GLIS1: variants seen among roughly 807,000 people sequenced by gnomAD.
The protein encoded by GLIS1 is zinc finger protein GLIS1.
A neutral mutation model predicts 63.8 loss-of-function variants in GLIS1; 24 were observed. That is an observed-to-expected ratio of 0.38 (90% CI 0.27 to 0.53). GLIS1 has a LOEUF of 0.53. GLIS1 is among the 20% of genes least tolerant of loss of function. The pLI is 0.85. For synonymous variants in GLIS1, 450 were observed against 482.5 expected (o/e 0.93, Z 0.88); for missense variants, 1,036 against 1,074.1 (o/e 0.96, Z 0.50).
At chr1:53,517,213 C>G (rs1008076782) in intron 7 of GLIS1, among the ~76,000 whole-genome samples, 1 of 152,038 alleles carries the variant, frequency 6.6e-6, no homozygotes, top group African/African-American at 2.4e-5. Context: ...AGGTGATGGT[C>G]TGGATACCCA....
intron 4 of GLIS1, among the ~76,000 whole-genome samples, chr1:53,549,911 G>A (rs1159048253): frequency 6.6e-6 from 1 of 152,176 alleles, no homozygotes; most frequent in Non-Finnish European, 1.5e-5. Context: ...CACCTAGGAG[G>A]CCACAGAATG....
intron 2 of GLIS1, among the ~76,000 whole-genome samples, chr1:53,730,483 T>G (rs1286890188): frequency 6.6e-6 from 1 of 152,194 alleles, no homozygotes; most frequent in Non-Finnish European, 1.5e-5. Flanking sequence ...ATTTTTCAAG[T>G]CAGGTTTATA....
At chr1:53,555,754 C>CAGGTGTGTGTGTGCAGGTGTACTGT in intron 4 of GLIS1, among the ~76,000 whole-genome samples, 1 of 150,646 alleles carries the variant, frequency 6.6e-6, no homozygotes, top group East Asian at 2.0e-4. Context: ...AGGTGTACTG[C>CAGGTGTGTGTGTGCAGGTGTACTGT]AGGTGTGTGT....
At chr1:53,686,127 C>T (rs1646334602) in intron 2 of GLIS1, among the ~76,000 whole-genome samples, 1 of 152,192 alleles carries the variant, frequency 6.6e-6, no homozygotes, top group East Asian at 1.9e-4. Flanking sequence ...CACCAGACTG[C>T]AAAGCCCCTT....
chr1:53,533,650 G>T (rs1017833134), intron 4 of GLIS1, among the ~76,000 whole-genome samples: 1 of 152,222 alleles, frequency 6.6e-6, no homozygotes, highest in African/African-American at 2.4e-5. Flanking sequence ...CTGGGATGAG[G>T]ATGCTGCAGG....
chr1:53,527,556 C>T (rs1644483680), intron 5 of GLIS1, among the ~76,000 whole-genome samples: 1 of 152,234 alleles, frequency 6.6e-6, no homozygotes, highest in Non-Finnish European at 1.5e-5. Flanking sequence ...GGTCAGAACC[C>T]TGGCCTGGTC....
chr1:53,738,070 C>T lies in GLIS1; in HGVS notation c.-6G>A. 4 of 1,230,128 alleles carry T rather than the reference C, an allele frequency of 3.3e-6. No homozygotes were observed. Among genetic ancestry groups the T allele is most frequent in the Non-Finnish European group, 3.0e-6 (3 of 986,906 alleles). 76.2% of individuals were successfully genotyped at this position (1,230,128 alleles called of 1,614,324 possible). On this transcript the variant is annotated 5_prime_UTR_variant, in exon 2 of 11. Coordinates refer to ENST00000628545, the MANE Select transcript of GLIS1 (RefSeq NM_001367484.1). ...TCAGCCACCTCGCAATGCATGGCGC[C>T]GGGGCGGGGCGCACGGCTGGGGGTC...
chr1:53,723,239 CTT>C (rs111541690), intron 2 of GLIS1, among the ~76,000 whole-genome samples: 51 of 141,372 alleles, frequency 3.6e-4, no homozygotes, highest in African/African-American at 5.0e-4. Context: ...TATTTATTTA[CTT>C]TTTTTTTTTT....
chr1:53,616,556 G>A (rs1012858155), intron 2 of GLIS1, among the ~76,000 whole-genome samples: 5 of 152,148 alleles, frequency 3.3e-5, no homozygotes, highest in African/African-American at 7.2e-5. Context: ...CTCCATGACA[G>A]CAACAGGGTT....
At chr1:53,681,565 G>C (rs1276228792) in intron 2 of GLIS1, among the ~76,000 whole-genome samples, 2 of 152,260 alleles carry the variant, frequency 1.3e-5, no homozygotes, top group African/African-American at 2.4e-5. Flanking sequence ...CCAAGAAAGA[G>C]AGCATTCATA....
At chr1:53,709,409 TATAC>T (rs1349551573) in intron 2 of GLIS1, among the ~76,000 whole-genome samples, 4 of 9,160 alleles carry the variant, frequency 4.4e-4, no homozygotes, top group African/African-American at 6.8e-4. Flanking sequence ...TACATATATA[TATAC>T]ACACACACAC....
intron 2 of GLIS1, among the ~76,000 whole-genome samples, chr1:53,721,339 G>A (rs1014985021): frequency 3.3e-5 from 5 of 152,272 alleles, no homozygotes; most frequent in East Asian, 1.9e-4. Context: ...TCTGCAAATC[G>A]GGGAGAGTAA....
chr1:53,570,036 T>C (rs796323711), intron 4 of GLIS1, among the ~76,000 whole-genome samples: 4 of 152,288 alleles, frequency 2.6e-5, no homozygotes, highest in African/African-American at 9.6e-5. Context: ...GGAATTCCAA[T>C]CAAAATCTAA....
In GLIS1 at chr1:53,560,290, A is replaced by G. The variant is rs1437735910; in HGVS notation, c.1321-30338T>C. Among the ~76,000 whole-genome samples the G allele has an allele frequency of 6.6e-6, 1 of 152,178 alleles. No individual in the cohort carries two copies. The highest frequency in any genetic ancestry group is 2.4e-5 in the African/African-American group (1 of 41,446). ...AGCTGTGTTGACTCATCTCTGTCCC[A>G]GCACTGAGGGAAGACAAGGAGCCCT... is the stretch of plus-strand genomic sequence containing the variant. On this transcript the variant is annotated intron_variant, in intron 4 of 10. Coordinates refer to ENST00000628545, the MANE Select transcript of GLIS1 (RefSeq NM_001367484.1). The surrounding 1 kb of genome is among the most constrained non-coding windows in gnomAD (Gnocchi z 4.4).
intron 4 of GLIS1, among the ~76,000 whole-genome samples, chr1:53,576,779 G>T (rs1439762636): frequency 1.3e-5 from 2 of 152,116 alleles, no homozygotes; most frequent in Non-Finnish European, 2.9e-5. Flanking sequence ...ACCAGCACAG[G>T]CTCGAGGGCT....
chr1:53,577,068 A>C (rs1645038897), intron 4 of GLIS1, among the ~76,000 whole-genome samples: 4 of 149,254 alleles, frequency 2.7e-5, no homozygotes, highest in South Asian at 2.2e-4. Flanking sequence ...TCCCCCAATA[A>C]ATGCTGATGT....
rs1645343707 is a variant in GLIS1, at chr1:53,603,907, G to GCTAA, written c.260-3633_260-3630dup. 2.0e-5 allele frequency among the ~76,000 whole-genome samples: 3 copies of GCTAA among 152,252 alleles called. No individual in the cohort carries two copies. The South Asian group carries it at 6.2e-4, about 31-fold the overall frequency. The stretch of plus-strand genomic sequence containing the variant: ...CATCTATTTCATTAATAGATAAGAA[G>GCTAA]CTAAGGCTCAGAGAAGGAAAGGGCC... On this transcript the variant is annotated intron_variant, in intron 2 of 10. Coordinates refer to ENST00000628545, the MANE Select transcript of GLIS1 (RefSeq NM_001367484.1).
chr1:53,562,335 C>A (rs1385734791), intron 4 of GLIS1, among the ~76,000 whole-genome samples: 1 of 152,140 alleles, frequency 6.6e-6, no homozygotes, highest in African/African-American at 2.4e-5. Flanking sequence ...AAACAGGACA[C>A]CAAGATTTTC....
intron 2 of GLIS1, among the ~76,000 whole-genome samples, chr1:53,620,862 G>T (rs926985426): frequency 6.6e-6 from 1 of 152,212 alleles, no homozygotes; most frequent in Non-Finnish European, 1.5e-5. Flanking sequence ...GCCTCACACC[G>T]TATCCAGATC....
Sources: allele counts gnomAD v4.1 joint callset (sites outside exome capture counted in the v4.1 genomes callset), GRCh38; gene constraint gnomAD v4.1.1; non-coding constraint Gnocchi (gnomAD v3.1); transcripts MANE v1.5; gene names NCBI Gene and HGNC (gene_info 2026-07-23, HGNC 2026-07-21).